Variants in RIMS2 observed in about 807,000 individuals in gnomAD.
RIMS2 encodes the protein regulating synaptic membrane exocytosis protein 2.
A neutral mutation model predicts 174.4 loss-of-function variants in RIMS2; 59 were observed. The observed-to-expected ratio is 0.34, with a 90% CI of 0.27 to 0.42. The LOEUF (loss-of-function observed/expected upper bound fraction) is 0.42. RIMS2 is among the 10% of genes least tolerant of loss of function. The probability of loss-of-function intolerance (pLI) is 1.00; values close to 1 mark genes in which losing one functional copy is unlikely to be tolerated. For synonymous variants in RIMS2, 606 were observed against 572.5 expected, an observed-to-expected ratio of 1.06 and a Z score of -0.84; for missense variants, 1,620 against 1,666.3, an observed-to-expected ratio of 0.97 and a Z score of 0.48.
chr8:103,613,850 G>A (rs2095443353), intron 1 of RIMS2, among the ~76,000 whole-genome samples: 1 of 152,174 alleles, frequency 6.6e-6, no homozygotes, highest in South Asian at 2.1e-4. Context: ...CTAGGGTCAG[G>A]AATGGGGGCC....
At chr8:103,787,572 T>G (rs1244067031) in intron 3 of RIMS2, among the ~76,000 whole-genome samples, 2 of 152,214 alleles carry the variant, frequency 1.3e-5, no homozygotes, top group African/African-American at 4.8e-5. Context: ...TTGAAAATTC[T>G]TTTCTTTAAG....
At chr8:104,077,498 C>A (rs187484843) in intron 19 of RIMS2, among the ~76,000 whole-genome samples, 1 of 151,328 alleles carries the variant, frequency 6.6e-6, no homozygotes, top group South Asian at 2.1e-4. Flanking sequence ...AAATTTTTTT[C>A]TACCCAAAAT....
chr8:104,213,888 A>AAAGAAGAAGAAG (rs762065499), intron 19 of RIMS2, among the ~76,000 whole-genome samples: 30 of 148,184 alleles, frequency 2.0e-4, no homozygotes, highest in African/African-American at 6.4e-4. Flanking sequence ...AAAAAAAAAA[A>AAAGAAGAAGAAG]AAGAAGAAGA....
At chr8:103,650,495 C>T (rs545501757) in intron 1 of RIMS2, among the ~76,000 whole-genome samples, 472 of 152,276 alleles carry the variant, frequency 3.1e-3, no homozygotes, top group Middle Eastern at 6.8e-3. Flanking sequence ...CTGGACTGTT[C>T]GTATTCTCCA....
intron 19 of RIMS2, 45 bp from the exon 22 acceptor site, chr8:104,041,281 C>T (rs1364199746): frequency 1.6e-6 from 1 of 641,436 alleles, no homozygotes; most frequent in East Asian, 2.7e-5. Context: ...CCACTCACTC[C>T]CATCTCCTTT....
At chr8:103,986,547 C>T (rs6468900) in intron 16 of RIMS2, among the ~76,000 whole-genome samples, 103,140 of 151,946 alleles carry the variant, frequency 0.68, 35,636 homozygotes, top group African/African-American at 0.71. Flanking sequence ...AAAATAGCAA[C>T]CATTATGAAA....
intron 19 of RIMS2, among the ~76,000 whole-genome samples, chr8:104,129,011 C>A (rs1447179193): frequency 1.3e-5 from 2 of 152,160 alleles, no homozygotes; most frequent in Non-Finnish European, 2.9e-5. Flanking sequence ...TTATGCCTTA[C>A]ATCTTGACTT....
At chr8:104,238,680 T>C (rs1375880557) in intron 19 of RIMS2, among the ~76,000 whole-genome samples, 1 of 152,110 alleles carries the variant, frequency 6.6e-6, no homozygotes, top group Non-Finnish European at 1.5e-5. Flanking sequence ...ACCTCAACTT[T>C]CTCATTGCTG....
intron 19 of RIMS2, among the ~76,000 whole-genome samples, chr8:104,194,557 A>G (rs1460307440): frequency 2.6e-5 from 4 of 152,204 alleles, no homozygotes; most frequent in Non-Finnish European, 5.9e-5. Flanking sequence ...TTGAAGTTCA[A>G]TTGGATATAT....
At position 103,785,065 on chromosome 8, in the gene RIMS2, C is replaced by T. The variant is rs1592282958; in HGVS notation, c.698+18528C>T. On this transcript the variant is annotated intron_variant, in intron 3 of 23. Coordinates refer to ENST00000504942, the Ensembl canonical transcript of RIMS2. ...GGGAGTTCACTCATGATTTGGCTCT[C>T]TGTTTGTCTGTTATTGGTGCGTAAG... 2.1e-5 allele frequency among the ~76,000 whole-genome samples: 3 copies of T among 141,862 alleles called. 1 individual carries two copies. Among genetic ancestry groups the T allele is most frequent in the East Asian group, 4.0e-4 (2 of 4,940 alleles). The allele number at this position is 141,862 out of a possible 152,430, so 93.1% of individuals were successfully genotyped here. A position where few individuals can be genotyped will look rare whatever the true frequency, so the allele number is the denominator to read the frequency against.
Position 103,981,754 on chromosome 8 carries a change from G to C in RIMS2, c.2927+6248G>C, listed in dbSNP as rs187704155. Among the ~76,000 whole-genome samples, 781 of 151,944 alleles carry C rather than the reference G, an allele frequency of 5.1e-3. 6 individuals are homozygous for C. Among genetic ancestry groups the C allele is most frequent in the African/African-American group, 0.018 (744 of 41,430 alleles). ...ATATGCAGTTGAAATACTAAAGAACGCATCAATGTCCCTTCAGAGCAGAAT... is the reference window on the plus strand; with the variant it reads ...ATATGCAGTTGAAATACTAAAGAACCCATCAATGTCCCTTCAGAGCAGAAT... On this transcript the variant is annotated intron_variant, in intron 16 of 23. Transcript: ENST00000504942.
chr8:103,678,086 G>A (rs1467086169), intron 1 of RIMS2, among the ~76,000 whole-genome samples: 1 of 152,108 alleles, frequency 6.6e-6, no homozygotes, highest in Admixed American at 6.6e-5. Flanking sequence ...GCCAGCTGTA[G>A]GCTAAACTTA....
In RIMS2 at chr8:103,692,475, C is replaced by T. The variant is rs1172285158; in HGVS notation, c.177-4611C>T. Among the ~76,000 whole-genome samples the T allele has an allele frequency of 2.6e-5, 4 of 152,212 alleles. 1 individual carries two copies. The highest frequency in any genetic ancestry group is 2.0e-4 in the Admixed American group (3 of 15,282). ...TTTTCCACAAGCAGTGAAGTCTCTT[C>T]CTATGGCTACCACAACTGGGAATTT... On this transcript the variant is annotated intron_variant, in intron 1 of 23. Transcript: ENST00000504942.
chr8:103,823,033 C>A (rs1342920723), intron 3 of RIMS2, among the ~76,000 whole-genome samples: 1 of 151,882 alleles, frequency 6.6e-6, no homozygotes, highest in Non-Finnish European at 1.5e-5. Flanking sequence ...TGATGGCTAT[C>A]TTTTGTGATA....
chr8:104,179,424 A>G (rs922471717), intron 19 of RIMS2, among the ~76,000 whole-genome samples: 9 of 152,024 alleles, frequency 5.9e-5, no homozygotes, highest in African/African-American at 2.2e-4. Context: ...GGATTTGTAC[A>G]GAAAAATATG....
chr8:103,986,866 T>C (rs1458961968), intron 16 of RIMS2, among the ~76,000 whole-genome samples: 14 of 146,108 alleles, frequency 9.6e-5, no homozygotes, highest in Non-Finnish European at 1.8e-4. Flanking sequence ...AGAGTGAAAC[T>C]CCGTCTCAAA....
intron 3 of RIMS2, among the ~76,000 whole-genome samples, chr8:103,855,623 T>A (rs1483499437): frequency 6.6e-6 from 1 of 152,146 alleles, no homozygotes; most frequent in Non-Finnish European, 1.5e-5. Context: ...TACCTATGAG[T>A]TATTGAGGAA....
intron 1 of RIMS2, among the ~76,000 whole-genome samples, chr8:103,576,961 C>T (rs2132595508): frequency 1.3e-5 from 2 of 152,202 alleles, no homozygotes; most frequent in East Asian, 3.9e-4. Context: ...AGACCTAAAA[C>T]CATAAAAACC....
At chr8:103,818,115 ATGTT>A (rs2098729530) in intron 3 of RIMS2, among the ~76,000 whole-genome samples, 1 of 152,128 alleles carries the variant, frequency 6.6e-6, no homozygotes, top group South Asian at 2.1e-4. Context: ...ATATTATTAC[ATGTT>A]TAATTTGTGT....
Sources: gnomAD v4.1 joint callset for allele counts (sites outside exome capture counted in the v4.1 genomes callset) on GRCh38, gnomAD v4.1.1 for gene constraint, MANE v1.5 for transcripts, NCBI Gene and HGNC (gene_info 2026-07-23, HGNC 2026-07-21) for gene names.